DCTN1: variants seen among roughly 807,000 people sequenced by gnomAD.
DCTN1 encodes the protein 150 kDa dynein-associated polypeptide.
DCTN1 carries 61 observed loss-of-function variants against 161.2 expected under a neutral mutation model. The observed-to-expected ratio is 0.38, with a 90% confidence interval of 0.31 to 0.47. The LOEUF is 0.47. Among genes scored for constraint, DCTN1 ranks in the 20% least tolerant of loss-of-function variants. The pLI is 0.99. For missense variants in DCTN1, 1,404 were observed against 1,623.7 expected, an observed-to-expected ratio of 0.86 and a Z score of 2.33; for synonymous variants, 653 against 632.4, an observed-to-expected ratio of 1.03 and a Z score of -0.49.
chr2:74,362,155 G>A lies in DCTN1; in HGVS notation c.3610-14C>T, dbSNP rs757854575. 34 of 1,612,478 alleles carry A rather than the reference G, an allele frequency of 2.1e-5. No homozygotes were observed. Among genetic ancestry groups the A allele is most frequent in the Non-Finnish European group, 2.6e-5 (31 of 1,178,892 alleles). ...GAGGACCTCATCCTAGGGAAGGGGA[G>A]AGGAAGACAAGGGTTCATTTATGGG... On this transcript the variant is annotated splice_polypyrimidine_tract_variant and intron_variant, in intron 30 of 31. Transcript: ENST00000628224.
chr2:74,367,564 G>GA, intron 18 of DCTN1, 132 bp downstream of exon 18: 9 of 1,486,264 alleles, frequency 6.1e-6, no homozygotes, highest in Non-Finnish European at 8.4e-6. Flanking sequence ...ATCATATGGA[G>GA]AGTTCATCTA....
rs565866230 is a variant in DCTN1, at chr2:74,362,122, G to A, written c.3629C>T (p.Thr1210Ile). 2 of 1,613,796 alleles carry A rather than the reference G, an allele frequency of 1.2e-6. No individual in the cohort carries two copies. The highest frequency in any genetic ancestry group is 2.2e-5 in the East Asian group (1 of 44,866). The change falls in exon 31 of 32, where the codon ACA becomes ATA. Residue 1210 changes from threonine (T) to isoleucine (I), a missense_variant. By Grantham distance (89) the Thr-to-Ile change is moderately conservative. Transcript: ENST00000628224. The part of the protein sequence containing the change: ...EKLKDEVLKE[T>I]VSQRPGATVP... ...TGTGGCTCCAGGGCGCTGAGATACT[G>A]TCTCCTTGAGGACCTCATCCTAGGG...
intron 26 of DCTN1, chr2:74,364,859 A>T (rs1674283634): frequency 4.9e-6 from 3 of 614,194 alleles, no homozygotes; most frequent in African/African-American, 3.7e-5. Context: ...CCTCATTAAC[A>T]ATTTAGTAAT....
intron 15 of DCTN1, 27 bp from the exon 16 acceptor site, chr2:74,368,907 C>G (rs758870784): frequency 1.2e-6 from 2 of 1,613,952 alleles, no homozygotes; most frequent in South Asian, 1.1e-5. Context: ...GAGGAGGACT[C>G]TTAGCCAGAG....
chr2:74,365,206 T>C lies in DCTN1; in HGVS notation c.3065A>G (p.Asp1022Gly). ...CTTCTCTGCCTCCAGCTGGTCGATG[T>C]CAGCCTGGAGTGCATCCATTGTCTC... Reference protein sequence around the residue: ...FEETMDALQADIDQLEAEKAE... With the variant: ...FEETMDALQAGIDQLEAEKAE... The change falls in exon 26 of 32, where the codon GAC becomes GGC. Residue 1022 changes from aspartate to glycine, a missense_variant. By Grantham distance (94) the Asp-to-Gly change is moderately conservative. Around this residue, in one of 9 missense-constraint regions of DCTN1, gnomAD observed 23 missense variants for 48.5 expected, o/e 0.47. Coordinates refer to ENST00000628224, the MANE Select transcript of DCTN1 (RefSeq NM_004082.5). 1 of 1,614,194 alleles carries C rather than the reference T, an allele frequency of 6.2e-7. No individual in the cohort carries two copies. The highest frequency in any genetic ancestry group is 8.5e-7 in the Non-Finnish European group (1 of 1,180,024).
chr2:74,376,975 T>G (rs1026841399), intron 4 of DCTN1, among the ~76,000 whole-genome samples: 10 of 151,974 alleles, frequency 6.6e-5, no homozygotes, highest in African/African-American at 2.4e-4. Flanking sequence ...CTGCACAGAG[T>G]AGCAGAGAAG....
At chr2:74,374,190 C>A (rs1480909668) in intron 6 of DCTN1, 133 bp downstream of exon 6, 3 of 918,350 alleles carry the variant, frequency 3.3e-6, no homozygotes, top group Non-Finnish European at 5.2e-6. Context: ...CTCTCCCTAA[C>A]CCACCTTCGT....
intron 28 of DCTN1, 25 bp downstream of exon 28, chr2:74,363,269 C>T (rs1453575129): frequency 5.0e-6 from 8 of 1,614,080 alleles, no homozygotes; most frequent in Non-Finnish European, 6.8e-6. Context: ...ATCTCCCATC[C>T]CAGTCCTCCC....
rs375246168 is a variant in DCTN1 at position 74,362,745 on chromosome 2, G to A, written c.3530-16C>T. 6.2e-7 allele frequency: 1 copy of A among 1,613,356 alleles called. No individual in the cohort carries two copies. The highest frequency in any genetic ancestry group is 2.2e-5 in the East Asian group (1 of 44,872). On this transcript the variant is annotated splice_polypyrimidine_tract_variant and intron_variant, in intron 29 of 31. Coordinates refer to ENST00000628224, the MANE Select transcript of DCTN1 (RefSeq NM_004082.5). ...CTCTTGGCAGCTGTGGGGAGAGAAA[G>A]CTGGTGAGGCCCACCAAGGCGCAGG...
chr2:74,374,252 C>T, intron 6 of DCTN1, 71 bp downstream of exon 6: 2 of 1,507,212 alleles, frequency 1.3e-6, no homozygotes, highest in Non-Finnish European at 1.8e-6. Flanking sequence ...CAGCCCCCAC[C>T]CCCACCCCAG....
chr2:74,367,262 T>C (rs560681176), intron 19 of DCTN1, 90 bp downstream of exon 19: 11 of 1,560,108 alleles, frequency 7.1e-6, no homozygotes, highest in Middle Eastern at 3.4e-4. Context: ...CCTAGTCTTA[T>C]GTGACACTTC....
At chr2:74,365,313 G>A in intron 25 of DCTN1, 72 bp from the exon 26 acceptor site, 6 of 1,593,302 alleles carry the variant, frequency 3.8e-6, no homozygotes, top group Non-Finnish European at 5.1e-6. Context: ...GTCCTGAGAG[G>A]TCCTTGGAAT....
In DCTN1 at chr2:74,370,874, A is replaced by G. The variant is rs1674788726; in HGVS notation, c.844-49T>C. 1 of 1,613,232 alleles carries G rather than the reference A, an allele frequency of 6.2e-7. No individual in the cohort carries two copies. The highest frequency in any genetic ancestry group is 1.3e-5 in the African/African-American group (1 of 75,032). On this transcript the variant is annotated intron_variant, in intron 9 of 31. Coordinates refer to ENST00000628224, the MANE Select transcript of DCTN1 (RefSeq NM_004082.5). This position sits in a 1 kb window ranked among gnomAD's most constrained non-coding sequence, Gnocchi z 4.4. Reference sequence around the variant, plus strand: ...GGGGGTACCAGCACAGAGATGCCCCAGGCCTTTCTCACAGTATGTTCCAGG... The same window carrying G: ...GGGGGTACCAGCACAGAGATGCCCCGGGCCTTTCTCACAGTATGTTCCAGG...
upstream of DCTN1, among the ~76,000 whole-genome samples, chr2:74,382,579 C>A (rs1486716667): frequency 3.5e-4 from 47 of 134,220 alleles, 1 homozygote; most frequent in Admixed American, 1.4e-3. Context: ...CCAGCCAGGG[C>A]GACAGACTGA....
At chr2:74,382,666 A>G (rs1319616132), upstream of DCTN1, among the ~76,000 whole-genome samples, 2 of 151,836 alleles carry the variant, frequency 1.3e-5, no homozygotes, top group Non-Finnish European at 2.9e-5. Flanking sequence ...ACCTGACATG[A>G]TACTAAATGG....
At chr2:74,367,479 C>G in intron 18 of DCTN1, 59 bp from the exon 19 acceptor site, 2 of 1,587,112 alleles carry the variant, frequency 1.3e-6, no homozygotes, top group Non-Finnish European at 1.7e-6. Flanking sequence ...GGAGTTCTTC[C>G]CAAACTGTAG....
chr2:74,374,604 C>A, intron 5 of DCTN1: 1 of 1,268,468 alleles, frequency 7.9e-7, no homozygotes, highest in Non-Finnish European at 1.0e-6. Context: ...GATCGCCAGG[C>A]TCCGGCAGGC....
chr2:74,377,390 C>T, intron 4 of DCTN1, 42 bp downstream of exon 4: 7 of 1,572,206 alleles, frequency 4.5e-6, no homozygotes, highest in Non-Finnish European at 5.3e-6. Flanking sequence ...TTCTCCTTCC[C>T]CTCCCTTTAT....
chr2:74,367,660 T>C, intron 18 of DCTN1, 36 bp downstream of exon 18: 1 of 1,613,880 alleles, frequency 6.2e-7, no homozygotes, highest in Non-Finnish European at 8.5e-7. Flanking sequence ...AAAGCTTCCC[T>C]GCCTCCTGCC....
Sources: allele counts gnomAD v4.1 joint callset (sites outside exome capture counted in the v4.1 genomes callset), GRCh38; gene constraint gnomAD v4.1.1; regional missense constraint gnomAD v4.1.1; non-coding constraint Gnocchi (gnomAD v3.1); transcripts MANE v1.5; gene names NCBI Gene and HGNC (gene_info 2026-07-23, HGNC 2026-07-21).